Variants in PARP8 observed in about 807,000 individuals in gnomAD.
PARP8 encodes the protein protein mono-ADP-ribosyltransferase PARP8.
Under a neutral mutation model 124.1 loss-of-function variants are expected in PARP8, and 51 were observed. The ratio of observed to expected loss-of-function variants is 0.41; its 90% CI spans 0.33 to 0.52. PARP8 has a LOEUF of 0.52. Among genes scored for constraint, PARP8 ranks in the 20% least tolerant of loss-of-function variants. PARP8 has a pLI of 0.21. For missense variants in PARP8, 860 were observed against 1,018.9 expected, an observed-to-expected ratio of 0.84 and a Z score of 2.12; for synonymous variants, 391 against 361.5, an observed-to-expected ratio of 1.08 and a Z score of -0.93.
At chr5:50,767,506 A>G (rs1391287053) in intron 7 of PARP8, among the ~76,000 whole-genome samples, 1 of 152,210 alleles carries the variant, frequency 6.6e-6, no homozygotes, top group Non-Finnish European at 1.5e-5. Flanking sequence ...CTAGACACTA[A>G]CCACTACTCC....
chr5:50,803,062 A>G (rs768969574), intron 14 of PARP8, among the ~76,000 whole-genome samples: 23 of 152,074 alleles, frequency 1.5e-4, no homozygotes, highest in Admixed American at 1.3e-4. Flanking sequence ...TGTTTGAAGG[A>G]TAGTTATGCT....
intron 9 of PARP8, among the ~76,000 whole-genome samples, chr5:50,780,089 G>A (rs1483730179): frequency 6.6e-6 from 1 of 152,040 alleles, no homozygotes; most frequent in African/African-American, 2.4e-5. Flanking sequence ...TGTTTTCTAT[G>A]TGCATATGAA....
intron 2 of PARP8, among the ~76,000 whole-genome samples, chr5:50,726,236 C>G (rs1756417188): frequency 6.6e-6 from 1 of 151,990 alleles, no homozygotes; most frequent in Non-Finnish European, 1.5e-5. Flanking sequence ...ACTTGGGAGT[C>G]TGTTTCCTCG....
chr5:50,754,520 T>G (rs1429284733), intron 3 of PARP8, among the ~76,000 whole-genome samples: 2 of 152,116 alleles, frequency 1.3e-5, no homozygotes, highest in Non-Finnish European at 2.9e-5. Context: ...AACTCATCAT[T>G]TTTTATGGCT....
At chr5:50,698,322 A>C (rs1159994474) in intron 2 of PARP8, among the ~76,000 whole-genome samples, 3 of 152,230 alleles carry the variant, frequency 2.0e-5, no homozygotes, top group Admixed American at 1.3e-4. Flanking sequence ...TTGTACTTGA[A>C]GTGTTCATGT....
At chr5:50,739,228 C>T (rs1757776383) in intron 2 of PARP8, 1 of 582,840 alleles carries the variant, frequency 1.7e-6, no homozygotes, top group Non-Finnish European at 3.2e-6. Flanking sequence ...CTTATCCAGT[C>T]ATTCAGTCTT....
chr5:50,672,106 C>A (rs999785918), intron 2 of PARP8, among the ~76,000 whole-genome samples: 1 of 152,240 alleles, frequency 6.6e-6, no homozygotes, highest in Non-Finnish European at 1.5e-5. Context: ...TTTCCATCCT[C>A]TCCTTTGGCT....
chr5:50,684,934 G>C (rs1751689584), intron 2 of PARP8, among the ~76,000 whole-genome samples: 1 of 152,206 alleles, frequency 6.6e-6, no homozygotes, highest in Non-Finnish European at 1.5e-5. Context: ...AGACAGTCAA[G>C]TGATTTAAGG....
chr5:50,805,908 T>C (rs1471267125), intron 14 of PARP8, among the ~76,000 whole-genome samples: 3 of 152,034 alleles, frequency 2.0e-5, no homozygotes, highest in Non-Finnish European at 4.4e-5. Flanking sequence ...TACAGAGAAA[T>C]GTGTCCTTAT....
At chr5:50,830,866 C>T (rs1374363634) in intron 22 of PARP8, among the ~76,000 whole-genome samples, 1 of 151,452 alleles carries the variant, frequency 6.6e-6, no homozygotes, top group Non-Finnish European at 1.5e-5. Flanking sequence ...GATCACGTTA[C>T]ACGTTTTAGG....
chr5:50,764,813 C>CT (rs5867717), intron 7 of PARP8, among the ~76,000 whole-genome samples: 28,157 of 138,438 alleles, frequency 0.2, 2,776 homozygotes, highest in South Asian at 0.35. Flanking sequence ...GTGTTTTTTT[C>CT]TTTTTTTTTT....
intron 2 of PARP8, among the ~76,000 whole-genome samples, chr5:50,740,642 T>G (rs1445834701): frequency 6.6e-6 from 1 of 151,984 alleles, no homozygotes; most frequent in African/African-American, 2.4e-5. Flanking sequence ...AGACCTCATC[T>G]CTACACTAAA....
intron 7 of PARP8, among the ~76,000 whole-genome samples, chr5:50,777,341 T>A (rs1481449000): frequency 6.6e-6 from 1 of 152,232 alleles, no homozygotes; most frequent in Admixed American, 6.5e-5. Flanking sequence ...CTGTGGTTTT[T>A]ATCTCTCACT....
intron 21 of PARP8, 25 bp from the exon 22 acceptor site, chr5:50,829,867 C>A: frequency 1.9e-6 from 3 of 1,582,242 alleles, no homozygotes; most frequent in Non-Finnish European, 2.6e-6. Flanking sequence ...AGACCTCTCT[C>A]TCTCTCCCAC....
rs138028312 is a variant in PARP8 at position 50,691,674 on chromosome 5, C to T, written c.146+23549C>T. 2.9e-3 allele frequency among the ~76,000 whole-genome samples: 442 copies of T among 152,248 alleles called. 1 individual carries two copies. Among genetic ancestry groups the T allele is most frequent in the African/African-American group, 0.01 (419 of 41,540 alleles). ...TGTAACTCTGTTGTTCTTCTGTAAT[C>T]TGTGTTTCAGCTCAGATCTATGTTC... On this transcript the variant is annotated intron_variant, in intron 2 of 25. Coordinates refer to ENST00000281631, the MANE Select transcript of PARP8 (RefSeq NM_024615.4).
chr5:50,803,676 ACT>A (rs1743488530), intron 14 of PARP8, among the ~76,000 whole-genome samples: 1 of 151,830 alleles, frequency 6.6e-6, no homozygotes, highest in Non-Finnish European at 1.5e-5. Flanking sequence ...ATAAATTGAT[ACT>A]CTCTGTTGAC....
intron 10 of PARP8, 99 bp downstream of exon 10, chr5:50,788,688 A>G: frequency 1.0e-6 from 1 of 996,530 alleles, no homozygotes; most frequent in Non-Finnish European, 1.5e-6. Context: ...TTCAGTAAGA[A>G]CTTTTTGAAG....
At chr5:50,826,861 G>A (rs1746414048) in intron 19 of PARP8, 58 bp downstream of exon 19, 1 of 1,550,614 alleles carries the variant, frequency 6.4e-7, no homozygotes, top group South Asian at 1.3e-5. Context: ...GTACTTATCA[G>A]TTGGGAGAAC....
At chr5:50,713,423 T>C (rs1378310163) in intron 2 of PARP8, among the ~76,000 whole-genome samples, 1 of 152,022 alleles carries the variant, frequency 6.6e-6, no homozygotes, top group African/African-American at 2.4e-5. Flanking sequence ...GTATTTTTTG[T>C]AGAGATGGGG....
Sources: allele counts gnomAD v4.1 joint callset (sites outside exome capture counted in the v4.1 genomes callset), GRCh38; gene constraint gnomAD v4.1.1; transcripts MANE v1.5; gene names NCBI Gene and HGNC (gene_info 2026-07-23, HGNC 2026-07-21).